XKR6: variants seen among roughly 807,000 people sequenced by gnomAD.
The protein encoded by XKR6 is XK-related protein 6.
XKR6 carries 22 observed loss-of-function variants against 56.7 expected under a neutral mutation model. That is an observed-to-expected ratio of 0.39 (90% CI 0.28 to 0.55). The LOEUF (loss-of-function observed/expected upper bound fraction) is 0.55, where lower values mean the gene tolerates loss of function less well. XKR6 is among the 20% of genes least tolerant of loss of function. The pLI is 0.66. For synonymous variants in XKR6, 524 were observed against 387.8 expected (o/e 1.35, Z -4.13); for missense variants, 852 against 889.0 (o/e 0.96, Z 0.53).
At chr8:11,110,773 G>A (rs1022282136) in intron 1 of XKR6, among the ~76,000 whole-genome samples, 4 of 151,958 alleles carry the variant, frequency 2.6e-5, no homozygotes, top group African/African-American at 9.6e-5. Flanking sequence ...GAACACATTA[G>A]TCTACATTCT....
intron 1 of XKR6, among the ~76,000 whole-genome samples, chr8:10,989,238 G>A (rs1288107603): frequency 6.6e-6 from 1 of 152,204 alleles, no homozygotes; most frequent in Non-Finnish European, 1.5e-5. Flanking sequence ...TGGATTAACA[G>A]AAATGAGTAG....
At chr8:11,173,679 G>A (rs1802502701) in intron 1 of XKR6, among the ~76,000 whole-genome samples, 1 of 152,146 alleles carries the variant, frequency 6.6e-6, no homozygotes, top group Admixed American at 6.5e-5. Context: ...GGGAGCAGTT[G>A]TTACTGTGAT....
Position 11,119,275 on chromosome 8 carries a change from T to C in XKR6, c.764+81301A>G, listed in dbSNP as rs921568171. Among the ~76,000 whole-genome samples, 6 of 152,206 alleles carry C rather than the reference T, an allele frequency of 3.9e-5. No individual in the cohort carries two copies. The South Asian group carries it at 6.2e-4, about 16-fold the overall frequency. ...AGGTGTGGTGTCGTGCTGAAAAGAA[T>C]GTATATTCTGTTGATTTGGGGTGGA... On this transcript the variant is annotated intron_variant, in intron 1 of 2. Transcript: ENST00000416569.
At chr8:11,146,726 G>A (rs1235026068) in intron 1 of XKR6, among the ~76,000 whole-genome samples, 2 of 151,338 alleles carry the variant, frequency 1.3e-5, no homozygotes, top group Non-Finnish European at 2.9e-5. Flanking sequence ...TAATCTCAAT[G>A]TCCATTGTCA....
chr8:10,924,223 T>C (rs1383980229), intron 2 of XKR6, among the ~76,000 whole-genome samples: 1 of 152,224 alleles, frequency 6.6e-6, no homozygotes, highest in African/African-American at 2.4e-5. Flanking sequence ...TCTGAAACCA[T>C]TAGTGCTGCC....
chr8:11,069,500 C>T (rs1800064135), intron 1 of XKR6, among the ~76,000 whole-genome samples: 1 of 152,168 alleles, frequency 6.6e-6, no homozygotes, highest in African/African-American at 2.4e-5. Context: ...CCCCTGTCTG[C>T]TCTCCTCCTC....
intron 1 of XKR6, among the ~76,000 whole-genome samples, chr8:11,029,339 A>G (rs2129151353): frequency 6.6e-6 from 1 of 152,174 alleles, no homozygotes; most frequent in South Asian, 2.1e-4. Context: ...GCTGGTAGGG[A>G]CTGACTGTGT....
At chr8:11,035,008 C>T (rs1009670162) in intron 1 of XKR6, among the ~76,000 whole-genome samples, 1 of 152,246 alleles carries the variant, frequency 6.6e-6, no homozygotes, top group Non-Finnish European at 1.5e-5. Flanking sequence ...GAAGACTCTG[C>T]ATTTCATATG....
At chr8:11,097,807 C>CCA (rs1330825462) in intron 1 of XKR6, among the ~76,000 whole-genome samples, 1 of 62,966 alleles carries the variant, frequency 1.6e-5, no homozygotes, top group African/African-American at 5.9e-5. Flanking sequence ...GACTCCATCT[C>CCA]AAAAAAAAAA....
At chr8:10,977,413 T>C (rs184566525) in intron 1 of XKR6, among the ~76,000 whole-genome samples, 1 of 151,420 alleles carries the variant, frequency 6.6e-6, no homozygotes, top group African/African-American at 2.4e-5. Flanking sequence ...GAGATGAGAC[T>C]CTCTAATAAG....
chr8:11,063,543 C>T (rs530688845), intron 1 of XKR6, among the ~76,000 whole-genome samples: 64 of 150,170 alleles, frequency 4.3e-4, no homozygotes, highest in African/African-American at 1.4e-3. Flanking sequence ...AGTCCTATTA[C>T]GCTACTGAGA....
At chr8:10,944,657 G>A (rs926767035) in intron 1 of XKR6, among the ~76,000 whole-genome samples, 3 of 152,160 alleles carry the variant, frequency 2.0e-5, no homozygotes, top group Non-Finnish European at 4.4e-5. Context: ...TATGAGAACA[G>A]ACTCTAGAAC....
intron 1 of XKR6, among the ~76,000 whole-genome samples, chr8:11,121,163 C>T (rs1217132760): frequency 6.6e-6 from 1 of 152,084 alleles, no homozygotes; most frequent in African/African-American, 2.4e-5. Flanking sequence ...AAAGCAATGG[C>T]AACAAAAGCC....
chr8:11,147,012 C>G (rs1414732139), intron 1 of XKR6, among the ~76,000 whole-genome samples: 1 of 151,712 alleles, frequency 6.6e-6, no homozygotes, highest in Non-Finnish European at 1.5e-5. Flanking sequence ...AAAAATACAG[C>G]CTGAAGCTAA....
intron 1 of XKR6, among the ~76,000 whole-genome samples, chr8:11,133,417 C>T (rs1233239476): frequency 6.6e-6 from 1 of 152,056 alleles, no homozygotes; most frequent in Non-Finnish European, 1.5e-5. Flanking sequence ...GTGAACAATA[C>T]CCTTAAGATC....
intron 1 of XKR6, among the ~76,000 whole-genome samples, chr8:11,083,030 T>A (rs917066248): frequency 6.6e-6 from 1 of 152,226 alleles, no homozygotes; most frequent in Non-Finnish European, 1.5e-5. Flanking sequence ...GCACTCCGTG[T>A]GCTTTAGAAT....
At chr8:11,039,940 G>A (rs773026779) in intron 1 of XKR6, among the ~76,000 whole-genome samples, 1 of 152,186 alleles carries the variant, frequency 6.6e-6, no homozygotes, top group Admixed American at 6.5e-5. Flanking sequence ...AGCATAACTC[G>A]TTAACTGCTA....
chr8:10,970,805 T>TAAAAA (rs34166964), intron 1 of XKR6, among the ~76,000 whole-genome samples: 4 of 133,122 alleles, frequency 3.0e-5, no homozygotes, highest in African/African-American at 8.1e-5. Context: ...AAAGGATCCT[T>TAAAAA]AAAAAAAAAA....
intron 1 of XKR6, among the ~76,000 whole-genome samples, chr8:10,927,455 G>A (rs1307472603): frequency 6.6e-6 from 1 of 152,138 alleles, no homozygotes; most frequent in Admixed American, 6.5e-5. Flanking sequence ...TGGTCTCAGG[G>A]GTACTCAGAC....
Sources: gnomAD v4.1 joint callset for allele counts (sites outside exome capture counted in the v4.1 genomes callset) on GRCh38, gnomAD v4.1.1 for gene constraint, MANE v1.5 for transcripts, NCBI Gene and HGNC (gene_info 2026-07-23, HGNC 2026-07-21) for gene names.